Variants in MYO1H observed in about 807,000 individuals in gnomAD.
The protein encoded by MYO1H is unconventional myosin-Ih.
In MYO1H, 118 loss-of-function variants were observed where a neutral mutation model predicts 149.3. That is an observed-to-expected ratio of 0.79 (90% CI 0.68 to 0.92). The LOEUF (loss-of-function observed/expected upper bound fraction) is 0.92. Among genes scored for constraint, MYO1H ranks in the 40% least tolerant of loss-of-function variants. The pLI is 0.00. For missense variants in MYO1H, 1,212 were observed against 1,280.7 expected (o/e 0.95, Z 0.82); for synonymous variants, 447 against 465.2 (o/e 0.96, Z 0.50).
chr12:109,318,981 T>TTTTTTG, the MYO1H span, among the ~76,000 whole-genome samples: 24 of 49,674 alleles, frequency 4.8e-4, 1 homozygote, highest in Admixed American at 2.4e-3. Context: ...TGTTTTTTTT[T>TTTTTTG]TTTTTTTTTT....
chr12:109,428,566 C>T (rs1446257028), intron 19 of MYO1H, among the ~76,000 whole-genome samples: 1 of 152,208 alleles, frequency 6.6e-6, no homozygotes, highest in South Asian at 2.1e-4. Flanking sequence ...AATAGCAACA[C>T]ACTCTCAAGC....
intron 29 of MYO1H, 39 bp downstream of exon 29, chr12:109,444,322 C>G (rs778728134): frequency 1.9e-6 from 3 of 1,590,694 alleles, no homozygotes; most frequent in East Asian, 2.2e-5. Flanking sequence ...AAGACAGAAA[C>G]AATACACTGC....
In MYO1H at chr12:109,443,134, G is replaced by A. The variant is rs1322316106; in HGVS notation, c.2689-380G>A. On this transcript the variant is annotated intron_variant, in intron 27 of 31. Coordinates refer to ENST00000310903, the Ensembl canonical transcript of MYO1H. ...TGTGTGTATATGTGTACGTATATAT[G>A]TGTGTATATGTGTACGTATGTGTGT... 1.7e-5 allele frequency among the ~76,000 whole-genome samples: 2 copies of A among 115,148 alleles called. 1 individual carries two copies. The highest frequency in any genetic ancestry group is 3.5e-5 in the Non-Finnish European group (2 of 56,460). 75.5% of individuals were successfully genotyped at this position (115,148 alleles called of 152,430 possible).
the MYO1H span, among the ~76,000 whole-genome samples, chr12:109,311,775 C>T: frequency 1.3e-5 from 2 of 152,178 alleles, no homozygotes; most frequent in Admixed American, 6.5e-5. Flanking sequence ...GTCCTGATTT[C>T]TTCAGATTCC....
At chr12:109,408,086 G>A (rs935347955) in intron 10 of MYO1H, 173 bp downstream of exon 10, 10 of 770,506 alleles carry the variant, frequency 1.3e-5, no homozygotes, top group Non-Finnish European at 1.9e-5. Flanking sequence ...GGTGCATGCC[G>A]AATGACTTAT....
chr12:109,401,271 AGGT>A lies in MYO1H; in HGVS notation c.750+2_750+4del. On this transcript the variant is annotated splice_donor_variant and coding_sequence_variant, in exon 6 of 32. Transcript: ENST00000310903. LOFTEE classifies it high-confidence loss of function. ...CCCCAGCTGTATAAATACCTCTCACAGGTGGGAAGGACCAGCACCTGGCTTTGG... is the reference window on the plus strand; with the variant it reads ...CCCCAGCTGTATAAATACCTCTCACAGGGAAGGACCAGCACCTGGCTTTGG... 2 of 1,608,288 alleles carry A rather than the reference AGGT, an allele frequency of 1.2e-6. No homozygotes were observed. Among genetic ancestry groups the A allele is most frequent in the Non-Finnish European group, 1.7e-6 (2 of 1,176,816 alleles).
the MYO1H span, among the ~76,000 whole-genome samples, chr12:109,321,795 A>G: frequency 3.9e-5 from 6 of 152,334 alleles, no homozygotes; most frequent in South Asian, 1.2e-3. Flanking sequence ...CCTAATGGCA[A>G]TGATACAGAG....
intron 18 of MYO1H, among the ~76,000 whole-genome samples, chr12:109,426,901 C>A (rs1208984864): frequency 6.6e-6 from 1 of 152,136 alleles, no homozygotes; most frequent in Non-Finnish European, 1.5e-5. Flanking sequence ...GGGGCAACAG[C>A]GCTACTCCTC....
At chr12:109,410,288 C>T (rs1425863357) in intron 12 of MYO1H, among the ~76,000 whole-genome samples, 4 of 152,032 alleles carry the variant, frequency 2.6e-5, no homozygotes, top group African/African-American at 9.7e-5. Context: ...ATCACAGGCA[C>T]ATGCCACCAT....
chr12:109,428,058 G>C (rs1467832826), intron 19 of MYO1H, among the ~76,000 whole-genome samples: 1 of 147,292 alleles, frequency 6.8e-6, no homozygotes, highest in Admixed American at 6.8e-5. Flanking sequence ...CTGCACTCCA[G>C]CCTGGGTGAC....
At chr12:109,393,558 T>TCCATCCATCCATCCATCCGC in intron 3 of MYO1H, 112 bp downstream of exon 3, 1 of 662,938 alleles carries the variant, frequency 1.5e-6, no homozygotes, top group East Asian at 2.7e-5. Context: ...CATCCATCCA[T>TCCATCCATCCATCCATCCGC]CCATCCATCC....
chr12:109,430,307 T>G (rs1871555881), intron 19 of MYO1H, among the ~76,000 whole-genome samples: 1 of 152,154 alleles, frequency 6.6e-6, no homozygotes, highest in African/African-American at 2.4e-5. Context: ...TGGCACCACT[T>G]CCCTTGATCA....
At chr12:109,425,689 A>C (rs1871327835) in intron 17 of MYO1H, among the ~76,000 whole-genome samples, 1 of 152,168 alleles carries the variant, frequency 6.6e-6, no homozygotes, top group African/African-American at 2.4e-5. Context: ...GGCACTCACC[A>C]CGTCTTTGCT....
At chr12:109,442,783 C>T (rs1430972707) in intron 27 of MYO1H, among the ~76,000 whole-genome samples, 1 of 143,986 alleles carries the variant, frequency 6.9e-6, no homozygotes, top group Non-Finnish European at 1.5e-5. Context: ...ATCGTGTGTG[C>T]CAGTGTCTGC....
At chr12:109,341,606 T>C in the MYO1H span, among the ~76,000 whole-genome samples, 2,274 of 114,616 alleles carry the variant, frequency 0.02, 57 homozygotes, top group African/African-American at 0.08. Flanking sequence ...TTTGCCCTGA[T>C]TGGAGGCTGT....
the MYO1H span, among the ~76,000 whole-genome samples, chr12:109,331,673 G>A: frequency 6.6e-6 from 1 of 152,144 alleles, no homozygotes; most frequent in African/African-American, 2.4e-5. Flanking sequence ...AAAAAGGCTG[G>A]GGCAGTCATT....
chr12:109,434,211 C>T (rs746153988), intron 20 of MYO1H, among the ~76,000 whole-genome samples: 11 of 152,176 alleles, frequency 7.2e-5, no homozygotes, highest in African/African-American at 9.6e-5. Flanking sequence ...GGTTTCACCG[C>T]GTTTGTCAGG....
At chr12:109,374,387 T>C (rs571520422) in intron 1 of MYO1H, among the ~76,000 whole-genome samples, 26 of 152,256 alleles carry the variant, frequency 1.7e-4, no homozygotes, top group African/African-American at 6.0e-4. Context: ...TACTACCTCA[T>C]AGGGTTATTG....
chr12:109,395,706 G>A (rs1869860554), intron 3 of MYO1H, among the ~76,000 whole-genome samples: 1 of 151,008 alleles, frequency 6.6e-6, no homozygotes, highest in South Asian at 2.1e-4. Context: ...CTGCACTCTG[G>A]CCTGGGCGAC....
Sources: gnomAD v4.1 joint callset for allele counts (sites outside exome capture counted in the v4.1 genomes callset) on GRCh38, gnomAD v4.1.1 for gene constraint, MANE v1.5 for transcripts, NCBI Gene and HGNC (gene_info 2026-07-23, HGNC 2026-07-21) for gene names.